The following PPP2R2B variants were observed in gnomAD, a reference collection of about 807,000 sequenced individuals.
PPP2R2B encodes serine/threonine-protein phosphatase 2A 55 kDa regulatory subunit B beta isoform.
A neutral mutation model predicts 46.0 loss-of-function variants in PPP2R2B; 5 were observed. That is an observed-to-expected ratio of 0.11 (90% CI 0.06 to 0.23). The LOEUF (loss-of-function observed/expected upper bound fraction) is 0.23, where lower values mean the gene tolerates loss of function less well. Among genes scored for constraint, PPP2R2B ranks in the 10% least tolerant of loss-of-function variants. The probability of loss-of-function intolerance (pLI) is 1.00; values close to 1 mark genes in which losing one functional copy is unlikely to be tolerated. For synonymous variants in PPP2R2B, 215 were observed against 206.7 expected, an observed-to-expected ratio of 1.04 and a Z score of -0.34; for missense variants, 367 against 575.0, an observed-to-expected ratio of 0.64 and a Z score of 3.70.
chr5:146,856,953 G>C (rs1422794611), intron 2 of PPP2R2B, among the ~76,000 whole-genome samples: 4 of 152,170 alleles, frequency 2.6e-5, no homozygotes, highest in African/African-American at 9.6e-5. Flanking sequence ...CTGGAACCTT[G>C]TATTTAACAA....
intron 1 of PPP2R2B, among the ~76,000 whole-genome samples, chr5:146,976,264 G>A (rs779761660): frequency 9.7e-4 from 147 of 151,520 alleles, no homozygotes; most frequent in African/African-American, 3.5e-3. Flanking sequence ...CAGCCTCCCG[G>A]GTAGCTGGGA....
At chr5:146,660,551 A>C (rs941841112) in intron 5 of PPP2R2B, among the ~76,000 whole-genome samples, 2 of 152,266 alleles carry the variant, frequency 1.3e-5, no homozygotes, top group East Asian at 3.9e-4. Flanking sequence ...GCTTACAGCG[A>C]CATATCAGAG....
chr5:146,644,254 A>G (rs1483199816), intron 6 of PPP2R2B, among the ~76,000 whole-genome samples: 1 of 148,494 alleles, frequency 6.7e-6, no homozygotes, highest in Non-Finnish European at 1.5e-5. Flanking sequence ...AAAAAAAAAA[A>G]AAAAAAAAAG....
chr5:146,808,640 G>A (rs1757336582), intron 2 of PPP2R2B, among the ~76,000 whole-genome samples: 2 of 152,200 alleles, frequency 1.3e-5, no homozygotes, highest in African/African-American at 4.8e-5. Flanking sequence ...GGCGTGTGTT[G>A]CCAGCCTTGC....
chr5:146,680,540 TATAATA>T (rs929553024), intron 5 of PPP2R2B, among the ~76,000 whole-genome samples: 1 of 151,298 alleles, frequency 6.6e-6, no homozygotes, highest in African/African-American at 2.4e-5. Context: ...AAACTTAAAG[TATAATA>T]ATAATAATAA....
At chr5:146,797,562 A>T (rs1207004563) in intron 2 of PPP2R2B, among the ~76,000 whole-genome samples, 1 of 152,218 alleles carries the variant, frequency 6.6e-6, no homozygotes, top group East Asian at 1.9e-4. Flanking sequence ...ATCTGTGCTG[A>T]ATATGATATA....
rs1214678524 is a variant in PPP2R2B, at chr5:146,875,492, A to C, written c.70+2510T>G. On this transcript the variant is annotated intron_variant, in intron 2 of 9. Coordinates refer to ENST00000394411, the MANE Select transcript of PPP2R2B (RefSeq NM_181675.4). ...ATGAACTTGCCTGCAGTCACCACTT[A>C]CAATGCAAATTGAGTTTAGAGTCCT... Among the ~76,000 whole-genome samples the C allele has an allele frequency of 2.6e-5, 4 of 152,198 alleles. No homozygotes were observed. The East Asian group carries it at 5.8e-4, about 22-fold the overall frequency.
At chr5:146,839,752 T>C (rs1043763852) in intron 2 of PPP2R2B, among the ~76,000 whole-genome samples, 2 of 152,238 alleles carry the variant, frequency 1.3e-5, no homozygotes, top group African/African-American at 4.8e-5. Context: ...ATAAAAACCA[T>C]GATGAAGTTC....
At chr5:146,732,203 A>G (rs1172547757) in intron 2 of PPP2R2B, among the ~76,000 whole-genome samples, 1 of 152,212 alleles carries the variant, frequency 6.6e-6, no homozygotes, top group Non-Finnish European at 1.5e-5. Flanking sequence ...CACTCCACAT[A>G]GGGCTGAGTA....
At chr5:147,052,880 G>A (rs182495189) in intron 1 of PPP2R2B, among the ~76,000 whole-genome samples, 26 of 152,188 alleles carry the variant, frequency 1.7e-4, no homozygotes, top group Non-Finnish European at 3.5e-4. Context: ...AAAAGCAGGC[G>A]TGAGGGCTCA....
intron 6 of PPP2R2B, among the ~76,000 whole-genome samples, chr5:146,647,039 C>T (rs1365182860): frequency 2.6e-5 from 4 of 152,198 alleles, no homozygotes; most frequent in African/African-American, 4.8e-5. Context: ...AGTTCTCAAC[C>T]GTAATGCCAA....
At chr5:146,926,329 C>A (rs2151818385) in intron 1 of PPP2R2B, among the ~76,000 whole-genome samples, 1 of 152,124 alleles carries the variant, frequency 6.6e-6, no homozygotes. Flanking sequence ...TTCCCCTAGG[C>A]TACTAATGCC....
At chr5:146,832,376 A>AT (rs1758996641) in intron 2 of PPP2R2B, among the ~76,000 whole-genome samples, 2 of 114,314 alleles carry the variant, frequency 1.7e-5, no homozygotes, top group African/African-American at 6.5e-5. Flanking sequence ...TGCCATTTTT[A>AT]ATCTTTTTTT....
rs181701389 is a variant in PPP2R2B at position 146,756,730 on chromosome 5, T to A, written c.71-55588A>T. On this transcript the variant is annotated intron_variant, in intron 2 of 9. Transcript: ENST00000394411. The stretch of plus-strand genomic sequence containing the variant: ...ATGGTTTCCATGAGAATTAAATGAG[T>A]GAATTCATGTCGTGTACTTAAAAGA... 4.1e-4 allele frequency among the ~76,000 whole-genome samples: 62 copies of A among 152,282 alleles called. No individual in the cohort carries two copies. In the Middle Eastern group the frequency reaches 0.02, roughly 50 times the overall value.
At chr5:146,832,304 AC>A (rs1312448245) in intron 2 of PPP2R2B, among the ~76,000 whole-genome samples, 1 of 147,052 alleles carries the variant, frequency 6.8e-6, no homozygotes, top group Non-Finnish European at 1.5e-5. Flanking sequence ...TCAGTGACTC[AC>A]CCAGAACAAC....
Position 146,870,039 on chromosome 5 carries a change from C to T in PPP2R2B, c.70+7963G>A, listed in dbSNP as rs571162052. 5.9e-5 allele frequency among the ~76,000 whole-genome samples: 9 copies of T among 152,242 alleles called. No individual in the cohort carries two copies. The East Asian group carries it at 1.4e-3, about 23-fold the overall frequency. On this transcript the variant is annotated intron_variant, in intron 2 of 9. Coordinates refer to ENST00000394411, the MANE Select transcript of PPP2R2B (RefSeq NM_181675.4). Reference sequence around the variant, plus strand: ...TTGCTACAATATTCCCTATTAGAGACATTTACAGCTTTGCCACCCTCTACA... The same window carrying T: ...TTGCTACAATATTCCCTATTAGAGATATTTACAGCTTTGCCACCCTCTACA...
rs1361491894 is a variant in PPP2R2B at position 146,910,965 on chromosome 5, G to T, written c.79+144700C>A. 1.3e-5 allele frequency among the ~76,000 whole-genome samples: 2 copies of T among 152,030 alleles called. 1 individual carries two copies. Among genetic ancestry groups the T allele is most frequent in the South Asian group, 4.2e-4 (2 of 4,808 alleles). On this transcript the variant is annotated intron_variant, in intron 1 of 8. Coordinates refer to the PPP2R2B transcript ENST00000336640. Reference sequence around the variant, plus strand: ...TACCTGTCACAGGGCTTCTACATAGGCTGTTCCCAGTCTAAAATTCTTTTC... The same window carrying T: ...TACCTGTCACAGGGCTTCTACATAGTCTGTTCCCAGTCTAAAATTCTTTTC...
intron 2 of PPP2R2B, among the ~76,000 whole-genome samples, chr5:147,074,916 C>T (rs1332726278): frequency 6.6e-6 from 1 of 152,060 alleles, no homozygotes; most frequent in Non-Finnish European, 1.5e-5. Context: ...TGTAGCAAAA[C>T]AGAATAAATG....
intron 7 of PPP2R2B, chr5:146,616,869 T>G (rs322501): frequency 0.22 from 32,743 of 152,158 alleles, 5,128 homozygotes; most frequent in African/African-American, 0.44. Flanking sequence ...CCACTCCTTA[T>G]GTATATACCC....
Sources: allele counts gnomAD v4.1 joint callset (sites outside exome capture counted in the v4.1 genomes callset), GRCh38; gene constraint gnomAD v4.1.1; transcripts MANE v1.5; gene names NCBI Gene and HGNC (gene_info 2026-07-23, HGNC 2026-07-21).